Variants in FGD4 observed in about 807,000 individuals in gnomAD.
FGD4 encodes FYVE, RhoGEF and PH domain-containing protein 4.
FGD4 carries 42 observed loss-of-function variants against 102.0 expected under a neutral mutation model. That is an observed-to-expected ratio of 0.41 (90% confidence interval 0.32 to 0.53). FGD4 has a LOEUF of 0.53. Ranked by LOEUF, FGD4 falls within the 20% of genes least tolerant of loss-of-function variation. FGD4 has a pLI of 0.21. For missense variants in FGD4, 902 were observed against 1,078.2 expected (o/e 0.84, Z 2.29); for synonymous variants, 380 against 375.7 (o/e 1.01, Z -0.13).
At chr12:32,612,431 G>A (rs971306079) in intron 10 of FGD4, among the ~76,000 whole-genome samples, 1 of 152,172 alleles carries the variant, frequency 6.6e-6, no homozygotes, top group African/African-American at 2.4e-5. Context: ...AGCCCAGCAG[G>A]CCCAAGCAGA....
At chr12:32,492,541 CAT>C (rs1944137402) in intron 1 of FGD4, among the ~76,000 whole-genome samples, 2 of 152,050 alleles carry the variant, frequency 1.3e-5, no homozygotes, top group Non-Finnish European at 2.9e-5. Flanking sequence ...AGTTGCAACT[CAT>C]ATTTTAAGTA....
intron 1 of FGD4, among the ~76,000 whole-genome samples, chr12:32,534,794 A>G (rs1942103468): frequency 1.3e-5 from 2 of 152,236 alleles, no homozygotes; most frequent in South Asian, 4.1e-4. Flanking sequence ...GGGGAGAAAT[A>G]TAGAGAAAGA....
chr12:32,429,196 G>A (rs762794404), intron 1 of FGD4, among the ~76,000 whole-genome samples: 3 of 152,136 alleles, frequency 2.0e-5, no homozygotes, highest in South Asian at 4.2e-4. Context: ...GGTGACCTTC[G>A]GATGGGGTTT....
intron 7 of FGD4, among the ~76,000 whole-genome samples, chr12:32,602,706 C>G (rs542922351): frequency 2.0e-5 from 3 of 152,284 alleles, no homozygotes; most frequent in African/African-American, 2.4e-5. Flanking sequence ...CACTTGATAT[C>G]TGTGTCCTCA....
At chr12:32,576,517 CAT>C in intron 3 of FGD4, 68 bp downstream of exon 3, 2 of 1,504,436 alleles carry the variant, frequency 1.3e-6, no homozygotes, top group Non-Finnish European at 1.8e-6. Flanking sequence ...AAATGATAGT[CAT>C]AGATACATTC....
At chr12:32,575,378 G>A (rs761961662) in intron 2 of FGD4, among the ~76,000 whole-genome samples, 7 of 152,114 alleles carry the variant, frequency 4.6e-5, no homozygotes, top group Non-Finnish European at 8.8e-5. Flanking sequence ...AAGATCACAC[G>A]GAGACAGAGG....
chr12:32,534,966 G>A (rs1942121157), intron 1 of FGD4, among the ~76,000 whole-genome samples: 1 of 152,212 alleles, frequency 6.6e-6, no homozygotes, highest in African/African-American at 2.4e-5. Flanking sequence ...GTTCAGGGGA[G>A]TAAGTATTAT....
intron 1 of FGD4, among the ~76,000 whole-genome samples, chr12:32,499,069 C>G (rs562137631): frequency 1.3e-5 from 2 of 152,172 alleles, no homozygotes; most frequent in South Asian, 2.1e-4. Context: ...GGAGGAGTAA[C>G]GGCAAATGGA....
intron 1 of FGD4, among the ~76,000 whole-genome samples, chr12:32,539,953 T>C (rs1209895660): frequency 6.6e-6 from 1 of 152,234 alleles, no homozygotes; most frequent in African/African-American, 2.4e-5. Flanking sequence ...ATTAGAAATA[T>C]CATGTTTTTC....
intron 1 of FGD4, among the ~76,000 whole-genome samples, chr12:32,512,146 G>A (rs866734110): frequency 3.9e-5 from 6 of 151,970 alleles, no homozygotes; most frequent in East Asian, 1.9e-4. Flanking sequence ...TTGAGGGCTC[G>A]AAGAAGTAGA....
At position 32,582,344 on chromosome 12, in the gene FGD4, A is replaced by G. The variant is rs1434756217; in HGVS notation, c.888A>G (p.Pro296=). Residue 296 remains proline (P), a synonymous_variant, in exon 4 of 17, where the codon CCA becomes CCG. Coordinates refer to ENST00000534526, the MANE Select transcript of FGD4 (RefSeq NM_001370298.3). The part of the protein sequence containing the change: ...GNASDSSYRT[P]GIGPVLPLEE... ...CTTCTGACAGTAGCTACAGGACTCC[A>G]GGCATAGGCCCAGTGCTCCCCCTAG... 5 of 1,614,104 alleles carry G rather than the reference A, an allele frequency of 3.1e-6. No individual in the cohort carries two copies. In the African/African-American group the frequency reaches 5.3e-5, roughly 17 times the overall value.
intron 1 of FGD4, among the ~76,000 whole-genome samples, chr12:32,458,037 G>T (rs180936566): frequency 6.7e-6 from 1 of 149,436 alleles, no homozygotes; most frequent in East Asian, 2.0e-4. Flanking sequence ...CCATTTCTCT[G>T]CTTGGGAGTA....
intron 11 of FGD4, among the ~76,000 whole-genome samples, chr12:32,621,186 C>G (rs60509014): frequency 1.4e-3 from 210 of 152,088 alleles, no homozygotes; most frequent in African/African-American, 5.0e-3. Context: ...ACCAGCCTGG[C>G]CAACATGGCA....
intron 1 of FGD4, among the ~76,000 whole-genome samples, chr12:32,455,680 A>C (rs576818479): frequency 1.3e-5 from 2 of 152,210 alleles, no homozygotes; most frequent in East Asian, 1.9e-4. Flanking sequence ...CTTTTTGTGA[A>C]ATAGAGGTGT....
chr12:32,446,203 T>C (rs1437817401), intron 1 of FGD4, among the ~76,000 whole-genome samples: 4 of 152,194 alleles, frequency 2.6e-5, no homozygotes, highest in African/African-American at 4.8e-5. Flanking sequence ...AAGGGAAACA[T>C]GCCTGTGGGC....
chr12:32,496,768 G>A (rs1937846546), intron 1 of FGD4, among the ~76,000 whole-genome samples: 1 of 152,072 alleles, frequency 6.6e-6, no homozygotes, highest in Non-Finnish European at 1.5e-5. Context: ...AATTATCTAT[G>A]AATCACTTTT....
At chr12:32,400,973 G>A (rs1000597788) in intron 1 of FGD4, among the ~76,000 whole-genome samples, 2 of 152,166 alleles carry the variant, frequency 1.3e-5, no homozygotes, top group African/African-American at 4.8e-5. Context: ...CAGTAGATAA[G>A]GGCAGAAATT....
At chr12:32,480,613 G>A (rs1943721763) in intron 1 of FGD4, among the ~76,000 whole-genome samples, 1 of 151,146 alleles carries the variant, frequency 6.6e-6, no homozygotes, top group Admixed American at 6.6e-5. Context: ...TGATTCTCCT[G>A]CCTCAGCCTT....
At position 32,423,564 on chromosome 12, in the gene FGD4, C is replaced by G. The variant is rs1412126833; in HGVS notation, c.166+23605C>G. Among the ~76,000 whole-genome samples, 11 of 147,106 alleles carry G rather than the reference C, an allele frequency of 7.5e-5. No individual in the cohort carries two copies. In the Admixed American group the frequency reaches 7.5e-4, roughly 10 times the overall value. The stretch of plus-strand genomic sequence containing the variant: ...CCGAGATCACGCCACTGCATTCCAG[C>G]CTGGGCAACAGAGTGAGACTTCATC... On this transcript the variant is annotated intron_variant, in intron 1 of 16. Transcript: ENST00000534526.
Sources: allele counts gnomAD v4.1 joint callset (sites outside exome capture counted in the v4.1 genomes callset), GRCh38; gene constraint gnomAD v4.1.1; transcripts MANE v1.5; gene names NCBI Gene and HGNC (gene_info 2026-07-23, HGNC 2026-07-21).